Variants in ANXA11 observed in about 807,000 individuals in gnomAD.
ANXA11 encodes annexin A11, also known as 56 kDa autoantigen.
In ANXA11, 57 loss-of-function variants were observed where a neutral mutation model predicts 64.7. That is an observed-to-expected ratio of 0.88 (90% CI 0.71 to 1.10). The LOEUF is 1.10. ANXA11 is among the 50% of genes least tolerant of loss of function. ANXA11 has a pLI of 0.00. For synonymous variants in ANXA11, 260 were observed against 265.2 expected (o/e 0.98, Z 0.19); for missense variants, 675 against 670.7 (o/e 1.01, Z -0.07).
At chr10:80,198,968 A>G (rs937613046) in intron 1 of ANXA11, among the ~76,000 whole-genome samples, 1 of 152,168 alleles carries the variant, frequency 6.6e-6, no homozygotes, top group Non-Finnish European at 1.5e-5. Context: ...TCTACCAAAG[A>G]CAGAAACCAT....
Position 80,152,543 on chromosome 10 carries a change from GC to G in ANXA11, c.*3309del, listed in dbSNP as rs1053437192. 21 of 152,590 alleles carry G rather than the reference GC, an allele frequency of 1.4e-4. No homozygotes were observed. The highest frequency in any genetic ancestry group is 4.8e-4 in the African/African-American group (20 of 41,464). 9.5% of individuals were successfully genotyped at this position (152,590 alleles called of 1,614,324 possible). A position where few individuals can be genotyped will look rare whatever the true frequency, so the allele number is the denominator to read the frequency against. On this transcript the variant is annotated 3_prime_UTR_variant, in exon 16 of 16. Coordinates refer to ENST00000422982, the MANE Select transcript of ANXA11 (RefSeq NM_145868.2). ...ATGTCATGCCCAGGGTCAGGTTCCA[GC>G]CCATGCTGAGGTTCGAGGGGACTGG... is the stretch of plus-strand genomic sequence containing the variant.
chr10:80,200,816 G>C (rs950786995), intron 1 of ANXA11, among the ~76,000 whole-genome samples: 7 of 152,150 alleles, frequency 4.6e-5, no homozygotes, highest in Non-Finnish European at 1.0e-4. Flanking sequence ...CGGGGGGATT[G>C]CTTGAGGCCA....
intron 8 of ANXA11, among the ~76,000 whole-genome samples, chr10:80,165,828 G>C (rs961043739): frequency 3.3e-5 from 5 of 152,160 alleles, no homozygotes; most frequent in African/African-American, 1.2e-4. Flanking sequence ...GATGGAGAGA[G>C]ACTTAAGCCT....
chr10:80,157,690 CT>C lies in ANXA11; in HGVS notation c.1408del (p.Arg470AspfsTer29). On this transcript the variant is annotated frameshift_variant, in exon 15 of 16. Coordinates refer to ENST00000422982, the MANE Select transcript of ANXA11 (RefSeq NM_145868.2). LOFTEE classifies it high-confidence loss of function. ...SRSETDLLDI[R>X]SEYKRMYGKS... ...GCCGTACATCCGCTTATACTCTGAT[CT>C]GATGTCCAGGAGGTCGGTCTCGCTG... 1 of 1,614,034 alleles carries C rather than the reference CT, an allele frequency of 6.2e-7. No individual in the cohort carries two copies. The highest frequency in any genetic ancestry group is 8.5e-7 in the Non-Finnish European group (1 of 1,179,992).
chr10:80,200,407 A>G (rs1468963370), intron 1 of ANXA11, among the ~76,000 whole-genome samples: 1 of 152,242 alleles, frequency 6.6e-6, no homozygotes, highest in East Asian at 1.9e-4. Context: ...TAAAACACAG[A>G]CAATATGGAA....
intron 11 of ANXA11, among the ~76,000 whole-genome samples, chr10:80,162,560 C>A (rs960784781): frequency 1.1e-4 from 16 of 152,236 alleles, no homozygotes; most frequent in Non-Finnish European, 2.4e-4. Flanking sequence ...CAGTGCTCAA[C>A]CTTTTTGAGC....
At chr10:80,178,210 GCTCTCTCT>G (rs3060571) in intron 1 of ANXA11, among the ~76,000 whole-genome samples, 95 of 149,236 alleles carry the variant, frequency 6.4e-4, no homozygotes, top group East Asian at 5.4e-3. Context: ...CAGAAGATCT[GCTCTCTCT>G]CTCTCTCTCT....
intron 11 of ANXA11, among the ~76,000 whole-genome samples, chr10:80,162,284 G>A (rs549662390): frequency 2.0e-5 from 3 of 152,376 alleles, no homozygotes; most frequent in Admixed American, 2.0e-4. Flanking sequence ...TGAGAAGGCA[G>A]AGCATGAGAC....
At chr10:80,200,489 T>C (rs1398940545) in intron 1 of ANXA11, among the ~76,000 whole-genome samples, 2 of 152,192 alleles carry the variant, frequency 1.3e-5, no homozygotes, top group African/African-American at 2.4e-5. Context: ...GATAAGCCTA[T>C]ATACATGAAA....
In ANXA11 at chr10:80,169,289, CAGCCCCAGG is replaced by C. The variant is rs775716532; in HGVS notation, c.232_240del (p.Pro78_Ala80del). On this transcript the variant is annotated inframe_deletion, in exon 5 of 16. Transcript: ENST00000422982. ...CCGCCAGGGGGCACTGGTGGGTAGCCAGCCCCAGGGGCCCCAGGGTACAGGTTGGGCATG... is the reference window on the plus strand; with the variant it reads ...CCGCCAGGGGGCACTGGTGGGTAGCCGGCCCCAGGGTACAGGTTGGGCATG... The C allele has an allele frequency of 6.1e-5, 98 of 1,611,758 alleles. 2 individuals carry two copies. Among genetic ancestry groups the C allele is most frequent in the Non-Finnish European group, 1.5e-5 (18 of 1,179,768 alleles).
rs61860035 is a variant in ANXA11 at position 80,172,697 on chromosome 10, C to G, written c.55+110G>C. 0.13 allele frequency: 149,182 copies of G among 1,110,706 alleles called. 11,447 individuals are homozygous for G. Among genetic ancestry groups the G allele is most frequent in the Admixed American group, 0.24 (14,008 of 57,486 alleles). 68.8% of individuals were successfully genotyped at this position (1,110,706 alleles called of 1,614,324 possible). On this transcript the variant is annotated intron_variant, in intron 3 of 15. Transcript: ENST00000422982. ...GTTGTCCTCTCCTCCCCTGCTGGGC[C>G]GTGCTGTGAGGGGAGGAGGGGAGTG... is the stretch of plus-strand genomic sequence containing the variant.
chr10:80,196,681 C>T (rs1840184707), intron 1 of ANXA11, among the ~76,000 whole-genome samples: 1 of 152,206 alleles, frequency 6.6e-6, no homozygotes. Context: ...GTCACCGAAG[C>T]CAGCCAGCCA....
rs1384448400 is a variant in ANXA11, at chr10:80,157,400, C to A, written c.1458+241G>T. 5 of 985,224 alleles carry A rather than the reference C, an allele frequency of 5.1e-6. No homozygotes were observed. In the Admixed American group the frequency reaches 2.5e-4, roughly 48 times the overall value. The allele number at this position is 985,224 out of a possible 1,614,324, so 61.0% of individuals were successfully genotyped here. On this transcript the variant is annotated intron_variant, in intron 15 of 15. Coordinates refer to ENST00000422982, the MANE Select transcript of ANXA11 (RefSeq NM_145868.2). ...AGGTCACGGTCAAGGTTGGGGAGGT[C>A]CCGAGTGTTCTCTGATGCTGCTGGG...
chr10:80,164,203 G>T (rs12762098), intron 8 of ANXA11, 60 bp from the exon 9 acceptor site: 9 of 1,400,302 alleles, frequency 6.4e-6, no homozygotes, highest in Non-Finnish European at 9.1e-6. Context: ...ACCAGCACTC[G>T]GGAAGAAGGG....
At chr10:80,167,393 T>C (rs1396674001) in intron 5 of ANXA11, 80 bp from the exon 6 acceptor site, 6 of 1,272,728 alleles carry the variant, frequency 4.7e-6, no homozygotes, top group Non-Finnish European at 6.8e-6. Context: ...CCCTAGACTC[T>C]GGGAACAGCC....
intron 1 of ANXA11, among the ~76,000 whole-genome samples, chr10:80,176,909 G>A (rs189300090): frequency 5.3e-5 from 8 of 151,840 alleles, no homozygotes; most frequent in East Asian, 1.9e-4. Context: ...CTAGTCCTCC[G>A]TTCTTAGAAA....
chr10:80,157,727 T>A lies in ANXA11; in HGVS notation c.1372A>T (p.Met458Leu). 6.2e-7 allele frequency: 1 copy of A among 1,613,918 alleles called. No homozygotes were observed. Among genetic ancestry groups the A allele is most frequent in the Non-Finnish European group, 8.5e-7 (1 of 1,179,942 alleles). The change falls in exon 15 of 16, where the codon ATG becomes TTG. Residue 458 changes from methionine (M) to leucine (L), a missense_variant. Coordinates refer to ENST00000422982, the MANE Select transcript of ANXA11 (RefSeq NM_145868.2). ...AGGTCGGTCTCGCTGCGAGACACCA[T>A]GATGCGAATCAGGGTCCGGTCCTTT... Reference protein sequence around the residue: ...GTKDRTLIRIMVSRSETDLLD... With the variant: ...GTKDRTLIRILVSRSETDLLD...
In ANXA11 at chr10:80,184,257, TG is replaced by T. The variant is rs1287767019; in HGVS notation, c.-57-8103del. On this transcript the variant is annotated intron_variant, in intron 1 of 15. Transcript: ENST00000422982. ...AATATAAATACATACAGATGCTCCTTGACTTATGATAGGGTTACATCCAAAT... is the reference window on the plus strand; with the variant it reads ...AATATAAATACATACAGATGCTCCTTACTTATGATAGGGTTACATCCAAAT... Among the ~76,000 whole-genome samples, 5 of 152,228 alleles carry T rather than the reference TG, an allele frequency of 3.3e-5. No homozygotes were observed. The East Asian group carries it at 9.6e-4, about 29-fold the overall frequency.
At chr10:80,168,832 C>T (rs1359003157) in intron 5 of ANXA11, 137 bp downstream of exon 5, 23 of 1,049,008 alleles carry the variant, frequency 2.2e-5, no homozygotes, top group East Asian at 3.0e-5. Context: ...TCACTGCACC[C>T]GGCCGACACT....
Sources: gnomAD v4.1 joint callset for allele counts (sites outside exome capture counted in the v4.1 genomes callset) on GRCh38, gnomAD v4.1.1 for gene constraint, MANE v1.5 for transcripts, NCBI Gene and HGNC (gene_info 2026-07-23, HGNC 2026-07-21) for gene names.